ARHGAP23: variants seen among roughly 807,000 people sequenced by gnomAD.
ARHGAP23 encodes the protein rho GTPase-activating protein 23.
Under a neutral mutation model 136.3 loss-of-function variants are expected in ARHGAP23, and 34 were observed. The observed-to-expected ratio is 0.25, with a 90% CI of 0.19 to 0.33. The LOEUF (loss-of-function observed/expected upper bound fraction) is 0.33. ARHGAP23 is among the 10% of genes least tolerant of loss of function. ARHGAP23 has a pLI of 1.00. For synonymous variants in ARHGAP23, 832 were observed against 920.5 expected (o/e 0.90, Z 1.74); for missense variants, 1,808 against 2,139.0 (o/e 0.85, Z 3.05).
intron 20 of ARHGAP23, among the ~76,000 whole-genome samples, chr17:38,492,184 G>A (rs1351973432): frequency 6.6e-6 from 1 of 152,200 alleles, no homozygotes; most frequent in Non-Finnish European, 1.5e-5. Flanking sequence ...AGAGTGGCCA[G>A]CAGAGGGCGC....
intron 23 of ARHGAP23, among the ~76,000 whole-genome samples, chr17:38,508,138 T>C (rs1479784757): frequency 6.6e-6 from 1 of 152,206 alleles, no homozygotes; most frequent in Non-Finnish European, 1.5e-5. Context: ...GCTCAGAGTT[T>C]GATGAGGCTG....
intron 13 of ARHGAP23, 90 bp from the exon 14 acceptor site, chr17:38,479,663 G>A: frequency 7.0e-7 from 1 of 1,431,336 alleles, no homozygotes; most frequent in Non-Finnish European, 9.4e-7. Context: ...CAGGGTGGAG[G>A]GGAGGTCCCG....
intron 1 of ARHGAP23, among the ~76,000 whole-genome samples, chr17:38,448,858 C>CTTTTTTTT (rs1241989813): frequency 1.6e-4 from 20 of 124,200 alleles, no homozygotes; most frequent in African/African-American, 6.8e-4. Flanking sequence ...GTTGCCCAGC[C>CTTTTTTTT]TTTTTTTTTT....
At chr17:38,480,558 T>A (rs2040012396) in intron 14 of ARHGAP23, among the ~76,000 whole-genome samples, 1 of 151,552 alleles carries the variant, frequency 6.6e-6, no homozygotes, top group African/African-American at 2.4e-5. Context: ...GGCATGAACC[T>A]GGGAGGCGGA....
At chr17:38,420,059 T>C (rs992601582) in intron 1 of ARHGAP23, among the ~76,000 whole-genome samples, 10 of 152,168 alleles carry the variant, frequency 6.6e-5, no homozygotes, top group African/African-American at 2.4e-4. Flanking sequence ...GGGTGCTGCC[T>C]TCCTTTCACA....
At chr17:38,465,127 C>CCGCCG (rs1324345385) in intron 6 of ARHGAP23, among the ~76,000 whole-genome samples, 1 of 151,858 alleles carries the variant, frequency 6.6e-6, no homozygotes, top group Non-Finnish European at 1.5e-5. Context: ...TGGGATGCTG[C>CCGCCG]CGCCGCCGTG....
chr17:38,473,764 G>A (rs538004060), intron 11 of ARHGAP23, among the ~76,000 whole-genome samples: 2 of 151,978 alleles, frequency 1.3e-5, no homozygotes, highest in East Asian at 3.9e-4. Flanking sequence ...GACAGTGGAG[G>A]GGCCTGACAG....
chr17:38,503,329 G>A (rs994694821), intron 23 of ARHGAP23, among the ~76,000 whole-genome samples: 5 of 152,212 alleles, frequency 3.3e-5, no homozygotes, highest in East Asian at 1.9e-4. Context: ...TCTGCTGGGC[G>A]TGAAGGTGGC....
chr17:38,463,605 G>A (rs2039512642), intron 6 of ARHGAP23, among the ~76,000 whole-genome samples: 1 of 152,160 alleles, frequency 6.6e-6, no homozygotes, highest in African/African-American at 2.4e-5. Flanking sequence ...TTCCTGCCAG[G>A]GTATCTGGAA....
At chr17:38,486,928 C>G (rs988636728) in intron 17 of ARHGAP23, among the ~76,000 whole-genome samples, 3 of 152,206 alleles carry the variant, frequency 2.0e-5, no homozygotes, top group African/African-American at 7.2e-5. Context: ...CAGAGATACA[C>G]ACGTGCCTGC....
At chr17:38,463,438 G>A in intron 6 of ARHGAP23, 56 bp downstream of exon 6, 1 of 1,535,340 alleles carries the variant, frequency 6.5e-7, no homozygotes, top group Non-Finnish European at 8.8e-7. Context: ...GGCAGCACCG[G>A]CTCCCCTGGG....
chr17:38,459,793 T>TG (rs2039416482), intron 2 of ARHGAP23, among the ~76,000 whole-genome samples: 1 of 152,202 alleles, frequency 6.6e-6, no homozygotes, highest in Non-Finnish European at 1.5e-5. Context: ...GCCGTCCAAA[T>TG]GCATCTGTCT....
intron 2 of ARHGAP23, 50 bp from the exon 3 acceptor site, chr17:38,460,855 G>T (rs1408536971): frequency 2.6e-6 from 4 of 1,535,910 alleles, no homozygotes; most frequent in Non-Finnish European, 3.5e-6. Context: ...GCCACCCCTG[G>T]CTGCTGAGGG....
Position 38,463,205 on chromosome 17 carries a change from C to T in ARHGAP23, c.428+9C>T. On this transcript the variant is annotated intron_variant, in intron 5 of 23. Coordinates refer to ENST00000622683, the MANE Select transcript of ARHGAP23 (RefSeq NM_001199417.2). ...GCTCTGATCCAGAATAGGTGAGTGT[C>T]CCTGACCCCTCGTCCCATATTATCT... 5.2e-6 allele frequency: 8 copies of T among 1,551,184 alleles called. No individual in the cohort carries two copies. The highest frequency in any genetic ancestry group is 7.0e-6 in the Non-Finnish European group (8 of 1,146,696).
chr17:38,441,541 A>G (rs2038920409), intron 1 of ARHGAP23, among the ~76,000 whole-genome samples: 1 of 152,204 alleles, frequency 6.6e-6, no homozygotes, highest in Non-Finnish European at 1.5e-5. Context: ...CTGAGGCCCC[A>G]GAGAGGGCGG....
chr17:38,434,209 A>T (rs1351019356), intron 1 of ARHGAP23, among the ~76,000 whole-genome samples: 2 of 150,590 alleles, frequency 1.3e-5, no homozygotes, highest in Non-Finnish European at 3.0e-5. Flanking sequence ...TGTCCCGCCA[A>T]CCCCCCAGCT....
At chr17:38,437,578 C>A (rs991367498) in intron 1 of ARHGAP23, among the ~76,000 whole-genome samples, 5 of 151,864 alleles carry the variant, frequency 3.3e-5, no homozygotes, top group African/African-American at 1.2e-4. Flanking sequence ...GATTGCACTG[C>A]TGCACTCCAG....
chr17:38,430,061 G>A (rs1010534547), intron 1 of ARHGAP23, among the ~76,000 whole-genome samples: 11 of 152,176 alleles, frequency 7.2e-5, no homozygotes, highest in African/African-American at 2.7e-4. Context: ...AGGTGGCTGG[G>A]AATTCCAAGA....
chr17:38,509,292 G>A (rs2040702303), intron 23 of ARHGAP23, among the ~76,000 whole-genome samples: 2 of 151,924 alleles, frequency 1.3e-5, no homozygotes, highest in Admixed American at 1.3e-4. Context: ...TCCAAACCAT[G>A]ACACCATACG....
Sources: allele counts gnomAD v4.1 joint callset (sites outside exome capture counted in the v4.1 genomes callset), GRCh38; gene constraint gnomAD v4.1.1; transcripts MANE v1.5; gene names NCBI Gene and HGNC (gene_info 2026-07-23, HGNC 2026-07-21).